MARK2: variants seen among roughly 807,000 people sequenced by gnomAD.
MARK2 encodes the protein serine/threonine-protein kinase MARK2.
Under a neutral mutation model 89.8 loss-of-function variants are expected in MARK2, and 16 were observed. That is an observed-to-expected ratio of 0.18 (90% confidence interval 0.12 to 0.27). The LOEUF is 0.27. Among genes scored for constraint, MARK2 ranks in the 10% least tolerant of loss-of-function variants. MARK2 has a pLI of 1.00. For synonymous variants in MARK2, 382 were observed against 399.5 expected, an observed-to-expected ratio of 0.96 and a Z score of 0.52; for missense variants, 621 against 1,049.9, an observed-to-expected ratio of 0.59 and a Z score of 5.65.
chr11:63,888,789 G>A (rs1291557369), intron 1 of MARK2: 1 of 1,259,454 alleles, frequency 7.9e-7, no homozygotes, highest in South Asian at 1.3e-5. Flanking sequence ...CACTGAGGAG[G>A]TGGTGGAAGG....
chr11:63,904,769 C>T lies in MARK2; in HGVS notation c.1677-17C>T. Reference sequence around the variant, plus strand: ...TACCCTAATTCGTCCCCCTCAACCCCACTTCTCTTCCCACAGCACAGCCCC... The same window carrying T: ...TACCCTAATTCGTCCCCCTCAACCCTACTTCTCTTCCCACAGCACAGCCCC... On this transcript the variant is annotated splice_polypyrimidine_tract_variant and intron_variant, in intron 15 of 18. Coordinates refer to ENST00000402010, the MANE Select transcript of MARK2 (RefSeq NM_001039469.3). This position sits in a 1 kb window ranked among gnomAD's most constrained non-coding sequence, Gnocchi z 6.3. 6.2e-7 allele frequency: 1 copy of T among 1,611,502 alleles called. No individual in the cohort carries two copies. Among genetic ancestry groups the T allele is most frequent in the East Asian group, 2.2e-5 (1 of 44,834 alleles).
At position 63,903,386 on chromosome 11, in the gene MARK2, G is replaced by A. The variant is rs953572955; in HGVS notation, c.1514+228G>A. The A allele has an allele frequency of 6.2e-5, 34 of 546,192 alleles. No individual in the cohort carries two copies. Among genetic ancestry groups the A allele is most frequent in the Middle Eastern group, 5.0e-4 (1 of 2,002 alleles). 33.8% of individuals were successfully genotyped at this position (546,192 alleles called of 1,614,324 possible). On this transcript the variant is annotated intron_variant, in intron 14 of 18. Transcript: ENST00000402010. This position sits in a 1 kb window ranked among gnomAD's most constrained non-coding sequence, Gnocchi z 5.1. The stretch of plus-strand genomic sequence containing the variant: ...CAGTTTGCCAAGTGTGGGGCTGACC[G>A]TGGCCATCTCAGCTACATGCTCGCT...
At chr11:63,863,965 T>G (rs1459976701) in intron 1 of MARK2, among the ~76,000 whole-genome samples, 1 of 151,984 alleles carries the variant, frequency 6.6e-6, no homozygotes, top group Non-Finnish European at 1.5e-5. Context: ...TATTTATTTA[T>G]TTTTTTGAGA....
chr11:63,860,147 A>G (rs945317931), intron 1 of MARK2, among the ~76,000 whole-genome samples: 2 of 152,172 alleles, frequency 1.3e-5, no homozygotes, highest in Non-Finnish European at 2.9e-5. Flanking sequence ...GCATATACTC[A>G]TTCTCCAATT....
chr11:63,904,100 C>T lies in MARK2; in HGVS notation c.1629C>T (p.Ala543=). 1 of 1,602,482 alleles carries T rather than the reference C, an allele frequency of 6.2e-7. No homozygotes were observed. Among genetic ancestry groups the T allele is most frequent in the Non-Finnish European group, 8.5e-7 (1 of 1,178,426 alleles). ...SMSASVHPNK[A]SGLPPTESNC... is the part of the protein sequence containing the mutation. ...CGGCCTCCGTGCACCCCAACAAGGC[C>T]TCTGGGCTGCCCCCCACGGAGAGTA... Residue 543 remains alanine, a synonymous_variant, in exon 15 of 19, where the codon GCC becomes GCT. Coordinates refer to ENST00000402010, the MANE Select transcript of MARK2 (RefSeq NM_001039469.3). This position sits in a 1 kb window ranked among gnomAD's most constrained non-coding sequence, Gnocchi z 6.3.
rs766252567 is a variant in MARK2 at position 63,899,043 on chromosome 11, T to G, written c.475-9T>G. On this transcript the variant is annotated splice_polypyrimidine_tract_variant and intron_variant, in intron 6 of 18. Coordinates refer to ENST00000402010, the MANE Select transcript of MARK2 (RefSeq NM_001039469.3). ...CACCCCTGGGTTAACCCTTCTTCCT[T>G]CCTTTCAGATAGTGTCTGCTGTGCA... The G allele has an allele frequency of 1.2e-6, 2 of 1,607,960 alleles. No individual in the cohort carries two copies. Among genetic ancestry groups the G allele is most frequent in the Admixed American group, 3.3e-5 (2 of 59,994 alleles).
chr11:63,886,919 C>T (rs1465618973), intron 1 of MARK2, among the ~76,000 whole-genome samples: 1 of 152,256 alleles, frequency 6.6e-6, no homozygotes, highest in Non-Finnish European at 1.5e-5. Flanking sequence ...TTTGATCCTG[C>T]TCTGGTTCTC....
At chr11:63,867,914 G>A (rs773151071) in intron 1 of MARK2, among the ~76,000 whole-genome samples, 75 of 152,070 alleles carry the variant, frequency 4.9e-4, no homozygotes, top group Non-Finnish European at 9.3e-4. Flanking sequence ...ACTTCAGTTC[G>A]TGGATTTGGG....
chr11:63,907,170 C>T (rs1941408471), intron 17 of MARK2, among the ~76,000 whole-genome samples: 1 of 152,190 alleles, frequency 6.6e-6, no homozygotes, highest in African/African-American at 2.4e-5. Context: ...GACTGGGATG[C>T]CTGGCAGGCA....
At chr11:63,906,469 C>T (rs933935798) in intron 17 of MARK2, among the ~76,000 whole-genome samples, 1 of 151,826 alleles carries the variant, frequency 6.6e-6, no homozygotes, top group Non-Finnish European at 1.5e-5. Flanking sequence ...ATTGTCTCCT[C>T]TCACCCACCC....
chr11:63,878,131 C>G (rs1050421144), intron 1 of MARK2, among the ~76,000 whole-genome samples: 1 of 152,158 alleles, frequency 6.6e-6, no homozygotes, highest in Non-Finnish European at 1.5e-5. Flanking sequence ...AGCATTTGCC[C>G]CTGTTATGTC....
intron 1 of MARK2, among the ~76,000 whole-genome samples, chr11:63,859,071 GTGTTTTTT>G (rs2135232935): frequency 6.6e-6 from 1 of 151,854 alleles, no homozygotes; most frequent in African/African-American, 2.4e-5. Context: ...AGGTAGGTTT[GTGTTTTTT>G]TGTTTTTTTT....
In MARK2 at chr11:63,909,379, G is replaced by C; in HGVS notation, c.*142G>C. On this transcript the variant is annotated 3_prime_UTR_variant, in exon 19 of 19. Transcript: ENST00000402010. ...CTTCTCCCCTCCCTGGCCCTTCTCA[G>C]TTTTCTCTTACATGTTTGTGGGGGG... 1.2e-6 allele frequency: 1 copy of C among 861,628 alleles called. No homozygotes were observed. The highest frequency in any genetic ancestry group is 3.8e-4 in the Middle Eastern group (1 of 2,632). The allele number at this position is 861,628 out of a possible 1,614,324, so 53.4% of individuals were successfully genotyped here. A position where few individuals can be genotyped will look rare whatever the true frequency, so the allele number is the denominator to read the frequency against.
chr11:63,863,264 A>G (rs1937916923), intron 1 of MARK2, among the ~76,000 whole-genome samples: 1 of 152,144 alleles, frequency 6.6e-6, no homozygotes, highest in African/African-American at 2.4e-5. Flanking sequence ...CTAGGCATCT[A>G]GATATTCTAG....
intron 1 of MARK2, among the ~76,000 whole-genome samples, chr11:63,846,805 G>A (rs1000612578): frequency 1.4e-4 from 21 of 151,800 alleles, no homozygotes; most frequent in Admixed American, 5.9e-4. Context: ...ACAGGTGCCC[G>A]CCACCACACC....
chr11:63,907,017 C>T (rs551022493), intron 17 of MARK2, among the ~76,000 whole-genome samples: 1 of 152,282 alleles, frequency 6.6e-6, no homozygotes, highest in African/African-American at 2.4e-5. Flanking sequence ...GGTCTCCCTT[C>T]ACAGTCCCCT....
rs1446948303 is a variant in MARK2 at position 63,900,576 on chromosome 11, A to G, written c.786A>G (p.Val262=). 6.2e-7 allele frequency: 1 copy of G among 1,614,114 alleles called. No individual in the cohort carries two copies. ...GQNLKELRER[V]LRGKYRIPFY... Reference sequence around the variant, plus strand: ...TCCTGCAGGAGCTGCGGGAACGGGTACTGAGGGGAAAATACCGTATTCCAT... The same window carrying G: ...TCCTGCAGGAGCTGCGGGAACGGGTGCTGAGGGGAAAATACCGTATTCCAT... The change falls in exon 9 of 19, where the codon GTA becomes GTG. Residue 262 remains valine (V), a synonymous_variant. Transcript: ENST00000402010. This position sits in a 1 kb window ranked among gnomAD's most constrained non-coding sequence, Gnocchi z 4.7.
chr11:63,899,804 C>G (rs1439418161), intron 7 of MARK2, 70 bp from the exon 8 acceptor site: 13 of 990,848 alleles, frequency 1.3e-5, no homozygotes, highest in Non-Finnish European at 2.1e-5. Context: ...CCATTCCCCT[C>G]AGCTCCTTCC....
intron 1 of MARK2, among the ~76,000 whole-genome samples, chr11:63,877,182 T>C (rs1938815279): frequency 7.3e-6 from 1 of 137,634 alleles, no homozygotes. Flanking sequence ...TGATTTCGGC[T>C]CACTGCAGCC....
Sources: allele counts gnomAD v4.1 joint callset (sites outside exome capture counted in the v4.1 genomes callset), GRCh38; gene constraint gnomAD v4.1.1; non-coding constraint Gnocchi (gnomAD v3.1); transcripts MANE v1.5; gene names NCBI Gene and HGNC (gene_info 2026-07-23, HGNC 2026-07-21).